Variants in SENP1 observed in about 807,000 individuals in gnomAD.
The protein encoded by SENP1 is SUMO specific peptidase 1.
A neutral mutation model predicts 93.0 loss-of-function variants in SENP1; 21 were observed. The ratio of observed to expected loss-of-function variants is 0.23; its 90% CI spans 0.16 to 0.33. The LOEUF (loss-of-function observed/expected upper bound fraction) is 0.33, where lower values mean the gene tolerates loss of function less well. Ranked by LOEUF, SENP1 falls within the 10% of genes least tolerant of loss-of-function variation. The probability of loss-of-function intolerance (pLI) is 1.00; values close to 1 mark genes in which losing one functional copy is unlikely to be tolerated. For missense variants in SENP1, 591 were observed against 758.7 expected (o/e 0.78, Z 2.60); for synonymous variants, 256 against 259.6 (o/e 0.99, Z 0.13).
At chr12:48,063,876 G>A (rs759059335) in intron 12 of SENP1, 35 bp from the exon 13 acceptor site, 28 of 1,583,872 alleles carry the variant, frequency 1.8e-5, no homozygotes, top group Middle Eastern at 1.7e-4. Context: ...CATCAAACAC[G>A]CGTGGCTTCA....
At chr12:48,096,541 C>T (rs377264821) in intron 3 of SENP1, 114 bp from the exon 4 acceptor site, 14 of 620,746 alleles carry the variant, frequency 2.3e-5, no homozygotes, top group East Asian at 5.9e-5. Context: ...CTGCAACCTC[C>T]GCCTCCTGAG....
At position 48,085,220 on chromosome 12, in the gene SENP1, G is replaced by A. The variant is rs574322455; in HGVS notation, c.381-1458C>T. 101 of 1,536,650 alleles carry A rather than the reference G, an allele frequency of 6.6e-5. No homozygotes were observed. In the African/African-American group the frequency reaches 1.3e-3, roughly 20 times the overall value. On this transcript the variant is annotated intron_variant, in intron 5 of 17. Coordinates refer to ENST00000549518, the MANE Select transcript of SENP1 (RefSeq NM_001267594.2). ...TCAATGAGATCGAAGACACTTTCCG[G>A]CAATTTCTAAACCGGGATGACACTG... is the stretch of plus-strand genomic sequence containing the variant.
At chr12:48,081,776 G>A (rs1944508641) in intron 6 of SENP1, among the ~76,000 whole-genome samples, 1 of 151,778 alleles carries the variant, frequency 6.6e-6, no homozygotes, top group Non-Finnish European at 1.5e-5. Flanking sequence ...ATGTTGCCTA[G>A]GCTGGTCTCA....
Position 48,046,983 on chromosome 12 carries a change from T to C in SENP1, c.1771A>G (p.Ser591Gly). The change falls in exon 16 of 18, where the codon AGC becomes GGC. Residue 591 changes from serine to glycine, a missense_variant. Coordinates refer to ENST00000549518, the MANE Select transcript of SENP1 (RefSeq NM_001267594.2). ...TTCATCAAGATGAAAGGTACCTGGC[T>C]TTTCTTGCTGAAAAGCTGCCAGCCA... ...TNGWQLFSKK[S>G]QEIPQQMNGS... 6.2e-7 allele frequency: 1 copy of C among 1,609,016 alleles called. No homozygotes were observed. Among genetic ancestry groups the C allele is most frequent in the South Asian group, 1.1e-5 (1 of 90,856 alleles).
rs1941261509 is a variant in SENP1, at chr12:48,045,030, G to C, written c.*292C>G. ...CATAATTAGGGACTGAGTGAGGCTGGAGCCCTTTGAAAACAAGATGGCAGA... is the reference window on the plus strand; with the variant it reads ...CATAATTAGGGACTGAGTGAGGCTGCAGCCCTTTGAAAACAAGATGGCAGA... On this transcript the variant is annotated 3_prime_UTR_variant, in exon 18 of 18. Coordinates refer to ENST00000549518, the MANE Select transcript of SENP1 (RefSeq NM_001267594.2). The C allele has an allele frequency of 2.5e-6, 1 of 403,058 alleles. No homozygotes were observed. Among genetic ancestry groups the C allele is most frequent in the Non-Finnish European group, 4.5e-6 (1 of 221,698 alleles). 25.0% of individuals were successfully genotyped at this position (403,058 alleles called of 1,614,324 possible). A position where few individuals can be genotyped will look rare whatever the true frequency, so the allele number is the denominator to read the frequency against.
At position 48,049,455 on chromosome 12, in the gene SENP1, C is replaced by T. The variant is rs189861870; in HGVS notation, c.1408-323G>A. On this transcript the variant is annotated intron_variant, in intron 13 of 17. Transcript: ENST00000549518. ...GACAGGGGTGTTAAGGTGAGGCTTACAGAAAAGGAGAGGAAGGCATGCAAG... is the reference window on the plus strand; with the variant it reads ...GACAGGGGTGTTAAGGTGAGGCTTATAGAAAAGGAGAGGAAGGCATGCAAG... Among the ~76,000 whole-genome samples, 275 of 152,256 alleles carry T rather than the reference C, an allele frequency of 1.8e-3. 2 individuals are homozygous for T. The Middle Eastern group carries it at 0.034, about 19-fold the overall frequency.
intron 8 of SENP1, among the ~76,000 whole-genome samples, chr12:48,072,336 C>T (rs1157117931): frequency 2.0e-5 from 3 of 152,104 alleles, no homozygotes; most frequent in Non-Finnish European, 4.4e-5. Flanking sequence ...TTCAGTAACC[C>T]TTACTTAATA....
chr12:48,102,125 G>C (rs1452310193), intron 1 of SENP1, among the ~76,000 whole-genome samples: 5 of 152,118 alleles, frequency 3.3e-5, no homozygotes, highest in African/African-American at 1.2e-4. Flanking sequence ...AAATAAAGAT[G>C]TTAAAAACCA....
At chr12:48,072,772 A>G (rs1943795874) in intron 8 of SENP1, among the ~76,000 whole-genome samples, 1 of 152,192 alleles carries the variant, frequency 6.6e-6, no homozygotes. Flanking sequence ...CTCTTACTGC[A>G]CCTAATTTAT....
intron 6 of SENP1, chr12:48,080,589 C>T (rs1376288968): frequency 6.6e-6 from 1 of 152,268 alleles, no homozygotes; most frequent in African/African-American, 2.4e-5. Context: ...CCCAACGTTT[C>T]ACGGAAAGTG....
chr12:48,055,380 C>T (rs4760677), intron 13 of SENP1: 34,427 of 152,354 alleles, frequency 0.23, 4,571 homozygotes, highest in East Asian at 0.55. Context: ...TGTGCAGGCT[C>T]CCCAAAGATC....
At chr12:48,067,057 G>T in intron 9 of SENP1, 92 bp from the exon 10 acceptor site, 1 of 795,890 alleles carries the variant, frequency 1.3e-6, no homozygotes, top group Non-Finnish European at 2.1e-6. Flanking sequence ...CATTTAAATT[G>T]TTTATATGAG....
chr12:48,097,224 T>C (rs1290992178), intron 3 of SENP1, among the ~76,000 whole-genome samples: 1 of 152,240 alleles, frequency 6.6e-6, no homozygotes, highest in African/African-American at 2.4e-5. Context: ...TTGGTTCTTT[T>C]GATAACTTTA....
At chr12:48,067,429 C>T (rs1441151281) in intron 9 of SENP1, among the ~76,000 whole-genome samples, 1 of 152,230 alleles carries the variant, frequency 6.6e-6, no homozygotes, top group Non-Finnish European at 1.5e-5. Context: ...AACACAACTT[C>T]CTTCCAAAGA....
chr12:48,090,270 G>T (rs1329159586), intron 4 of SENP1, among the ~76,000 whole-genome samples: 2 of 152,182 alleles, frequency 1.3e-5, no homozygotes, highest in Non-Finnish European at 2.9e-5. Flanking sequence ...TGTAACAGTA[G>T]AAATATTTGT....
chr12:48,093,592 G>C (rs2137248435), intron 4 of SENP1, among the ~76,000 whole-genome samples: 1 of 152,038 alleles, frequency 6.6e-6, no homozygotes, highest in South Asian at 2.1e-4. Flanking sequence ...CCTCAGGTCA[G>C]GTTTTGAAGC....
chr12:48,061,407 A>G, intron 13 of SENP1, among the ~76,000 whole-genome samples: 1 of 152,144 alleles, frequency 6.6e-6, no homozygotes, highest in East Asian at 1.9e-4. Context: ...AACAGAATTA[A>G]GTTTTGTATT....
At chr12:48,078,670 G>A (rs12315625) in intron 6 of SENP1, among the ~76,000 whole-genome samples, 25,304 of 151,634 alleles carry the variant, frequency 0.17, 2,439 homozygotes, top group East Asian at 0.28. Flanking sequence ...ACAGGCACCC[G>A]CCACCACGCC....
rs200714271 is a variant in SENP1, at chr12:48,044,359, T to TACATAC, written c.*962_*963insGTATGT. 4.3e-5 allele frequency: 3 copies of TACATAC among 69,812 alleles called. No individual in the cohort carries two copies. Among genetic ancestry groups the TACATAC allele is most frequent in the Non-Finnish European group, 6.1e-5 (2 of 32,924 alleles). 4.3% of individuals were successfully genotyped at this position (69,812 alleles called of 1,614,324 possible). A position where few individuals can be genotyped will look rare whatever the true frequency, so the allele number is the denominator to read the frequency against. ...ATCCCTGTGAAATTTTATACATACA[T>TACATAC]ATATATATATATATATGTATGTGTA... On this transcript the variant is annotated 3_prime_UTR_variant, in exon 18 of 18. Transcript: ENST00000549518.
Sources: allele counts gnomAD v4.1 joint callset (sites outside exome capture counted in the v4.1 genomes callset), GRCh38; gene constraint gnomAD v4.1.1; transcripts MANE v1.5; gene names NCBI Gene and HGNC (gene_info 2026-07-23, HGNC 2026-07-21).